The following DCUN1D5 variants were observed in gnomAD, a reference collection of about 807,000 sequenced individuals.
DCUN1D5 encodes defective in cullin neddylation 1 domain containing 5.
A neutral mutation model predicts 38.3 loss-of-function variants in DCUN1D5; 10 were observed. The ratio of observed to expected loss-of-function variants is 0.26; its 90% CI spans 0.16 to 0.44. DCUN1D5 has a LOEUF of 0.44. Among genes scored for constraint, DCUN1D5 ranks in the 20% least tolerant of loss-of-function variants. The pLI is 1.00. For missense variants in DCUN1D5, 148 were observed against 275.3 expected, an observed-to-expected ratio of 0.54 and a Z score of 3.27; for synonymous variants, 93 against 90.9, an observed-to-expected ratio of 1.02 and a Z score of -0.13.
rs367656019 is a variant in DCUN1D5, at chr11:103,066,397, T to C, written c.451-24A>G. ...TCCTAAAATATAAGTGAAAAAGTTT[T>C]CCTAAGTGTGGTCTCAAGATGAAAA... On this transcript the variant is annotated intron_variant, in intron 5 of 7. Transcript: ENST00000260247. The surrounding 1 kb of genome is among the most constrained non-coding windows in gnomAD (Gnocchi z 4.7). The C allele has an allele frequency of 1.3e-6, 2 of 1,599,342 alleles. No homozygotes were observed. The highest frequency in any genetic ancestry group is 1.7e-6 in the Non-Finnish European group (2 of 1,171,866).
rs1278731792 is a variant in DCUN1D5, at chr11:103,066,555, T to G, written c.354A>C (p.Thr118=). ...KGMTSLQCDC[T]EKLQNKFDFL... ...AGTCAAATTTGTTTTGTAACTTTTC[T>G]GTGCAGTCACACCTTAAATAAAAGA... Residue 118 remains threonine, a synonymous_variant, in exon 5 of 8, where the codon ACA becomes ACC. Coordinates refer to ENST00000260247, the MANE Select transcript of DCUN1D5 (RefSeq NM_032299.4). This position sits in a 1 kb window ranked among gnomAD's most constrained non-coding sequence, Gnocchi z 4.7. 1.9e-6 allele frequency: 3 copies of G among 1,602,402 alleles called. No homozygotes were observed. Among genetic ancestry groups the G allele is most frequent in the African/African-American group, 1.3e-5 (1 of 74,626 alleles).
rs1373128971 is a variant in DCUN1D5, at chr11:103,057,446, G to C, written c.*4913C>G. On this transcript the variant is annotated 3_prime_UTR_variant, in exon 8 of 8. Transcript: ENST00000260247. The surrounding 1 kb of genome is among the most constrained non-coding windows in gnomAD (Gnocchi z 4.8). Reference sequence around the variant, plus strand: ...TTCCCAGGAGTGGTGGCTCACACCTGTAATCCCAGCACTTTGGGAGTCTGA... The same window carrying C: ...TTCCCAGGAGTGGTGGCTCACACCTCTAATCCCAGCACTTTGGGAGTCTGA... Among the ~76,000 whole-genome samples, 1 of 152,002 alleles carries C rather than the reference G, an allele frequency of 6.6e-6. No homozygotes were observed. The highest frequency in any genetic ancestry group is 1.5e-5 in the Non-Finnish European group (1 of 68,010).
rs1862261943 is a variant in DCUN1D5 at position 103,071,155 on chromosome 11, AAAAG to A, written c.342-4592_342-4589del. ...TAAGCTTGTACCTCTAGAACCCAGAAAAAGAAAGGCAAAATAAACAAACCAAACA... is the reference window on the plus strand; with the variant it reads ...TAAGCTTGTACCTCTAGAACCCAGAAAAAGGCAAAATAAACAAACCAAACA... On this transcript the variant is annotated intron_variant, in intron 4 of 7. Coordinates refer to ENST00000260247, the MANE Select transcript of DCUN1D5 (RefSeq NM_032299.4). The surrounding 1 kb of genome is among the most constrained non-coding windows in gnomAD (Gnocchi z 4.1). 1.3e-5 allele frequency among the ~76,000 whole-genome samples: 2 copies of A among 152,184 alleles called. No individual in the cohort carries two copies. Among genetic ancestry groups the A allele is most frequent in the Admixed American group, 6.5e-5 (1 of 15,282 alleles).
Position 103,063,107 on chromosome 11 carries a change from T to C in DCUN1D5, c.659-693A>G, listed in dbSNP as rs1211376915. ...TTTTCCATTGCTTTTGACAGACATGTTTCTCTATCGTAAGAAAAGCAGCAG... is the reference window on the plus strand; with the variant it reads ...TTTTCCATTGCTTTTGACAGACATGCTTCTCTATCGTAAGAAAAGCAGCAG... On this transcript the variant is annotated intron_variant, in intron 7 of 7. Coordinates refer to ENST00000260247, the MANE Select transcript of DCUN1D5 (RefSeq NM_032299.4). This position sits in a 1 kb window ranked among gnomAD's most constrained non-coding sequence, Gnocchi z 4.6. 6.6e-6 allele frequency among the ~76,000 whole-genome samples: 1 copy of C among 152,112 alleles called. No individual in the cohort carries two copies. Among genetic ancestry groups the C allele is most frequent in the African/African-American group, 2.4e-5 (1 of 41,444 alleles).
chr11:103,078,972 A>G lies in DCUN1D5; in HGVS notation c.341+3776T>C, dbSNP rs1295466690. ...GTTTATGGTTACAGCAAGGTGCCCAATGTCTGGGCTGAGCATAATTACCAG... is the reference window on the plus strand; with the variant it reads ...GTTTATGGTTACAGCAAGGTGCCCAGTGTCTGGGCTGAGCATAATTACCAG... On this transcript the variant is annotated intron_variant, in intron 4 of 7. Transcript: ENST00000260247. The surrounding 1 kb of genome is among the most constrained non-coding windows in gnomAD (Gnocchi z 4.6). Among the ~76,000 whole-genome samples the G allele has an allele frequency of 1.3e-5, 2 of 152,126 alleles. No individual in the cohort carries two copies. Among genetic ancestry groups the G allele is most frequent in the Non-Finnish European group, 2.9e-5 (2 of 68,012 alleles).
At chr11:103,070,815 C>T (rs145475715) in intron 4 of DCUN1D5, among the ~76,000 whole-genome samples, 43 of 152,132 alleles carry the variant, frequency 2.8e-4, no homozygotes, top group African/African-American at 9.6e-4. Context: ...ACAGACCAAT[C>T]CGGAGACATA....
At position 103,091,936 on chromosome 11, in the gene DCUN1D5, C is replaced by T. The variant is rs537880325; in HGVS notation, c.-64G>A. ...GAAGGGGGTCCCTGTCCGCTGGAAG[C>T]CCCTCAGCGCTGGCACCCAGTTCCC... On this transcript the variant is annotated 5_prime_UTR_variant, in exon 1 of 8. Transcript: ENST00000260247. The surrounding 1 kb of genome is among the most constrained non-coding windows in gnomAD (Gnocchi z 4.3). 5.4e-6 allele frequency: 8 copies of T among 1,468,574 alleles called. No homozygotes were observed. Among genetic ancestry groups the T allele is most frequent in the East Asian group, 4.5e-5 (2 of 44,040 alleles). The allele number at this position is 1,468,574 out of a possible 1,614,324, so 91.0% of individuals were successfully genotyped here.
In DCUN1D5 at chr11:103,052,465, G is replaced by T. The variant is rs1400946763; in HGVS notation, c.*9894C>A. On this transcript the variant is annotated 3_prime_UTR_variant, in exon 8 of 8. Transcript: ENST00000260247. ...GTGAGGAACACCTATGAATAACATG[G>T]TCTCTGTTCACAGAGCTGTTTCCTT... 2 of 152,062 alleles carry T rather than the reference G, an allele frequency of 1.3e-5. No homozygotes were observed. The highest frequency in any genetic ancestry group is 2.9e-5 in the Non-Finnish European group (2 of 67,972). 9.4% of individuals were successfully genotyped at this position (152,062 alleles called of 1,614,324 possible). A position where few individuals can be genotyped will look rare whatever the true frequency, so the allele number is the denominator to read the frequency against.
In DCUN1D5 at chr11:103,061,886, A is replaced by C. The variant is rs935898168; in HGVS notation, c.*473T>G. ...CAGCAAATCATTATCCCAGAAGTCA[A>C]GGCCAACAGTCTTCCAAATTGTGCA... On this transcript the variant is annotated 3_prime_UTR_variant, in exon 8 of 8. Coordinates refer to ENST00000260247, the MANE Select transcript of DCUN1D5 (RefSeq NM_032299.4). Among the ~76,000 whole-genome samples, 8 of 152,078 alleles carry C rather than the reference A, an allele frequency of 5.3e-5. No homozygotes were observed. The highest frequency in any genetic ancestry group is 1.9e-4 in the African/African-American group (8 of 41,446).
Position 103,078,959 on chromosome 11 carries a change from A to T in DCUN1D5, c.341+3789T>A, listed in dbSNP as rs1368599896. On this transcript the variant is annotated intron_variant, in intron 4 of 7. Coordinates refer to ENST00000260247, the MANE Select transcript of DCUN1D5 (RefSeq NM_032299.4). This position sits in a 1 kb window ranked among gnomAD's most constrained non-coding sequence, Gnocchi z 4.6. ...CACGTTCTCCTTGGTTTATGGTTACAGCAAGGTGCCCAATGTCTGGGCTGA... is the reference window on the plus strand; with the variant it reads ...CACGTTCTCCTTGGTTTATGGTTACTGCAAGGTGCCCAATGTCTGGGCTGA... 1.3e-5 allele frequency among the ~76,000 whole-genome samples: 2 copies of T among 152,174 alleles called. No individual in the cohort carries two copies. The highest frequency in any genetic ancestry group is 2.9e-5 in the Non-Finnish European group (2 of 68,040).
chr11:103,063,363 C>T lies in DCUN1D5; in HGVS notation c.658+912G>A, dbSNP rs995369674. 1.3e-5 allele frequency among the ~76,000 whole-genome samples: 2 copies of T among 152,056 alleles called. No homozygotes were observed. Among genetic ancestry groups the T allele is most frequent in the Non-Finnish European group, 2.9e-5 (2 of 67,954 alleles). On this transcript the variant is annotated intron_variant, in intron 7 of 7. Coordinates refer to ENST00000260247, the MANE Select transcript of DCUN1D5 (RefSeq NM_032299.4). The surrounding 1 kb of genome is among the most constrained non-coding windows in gnomAD (Gnocchi z 4.6). ...TAGTTTTAAATGCTGATACAAAATACATAAATATACACATCTACGGGCCAT... is the reference window on the plus strand; with the variant it reads ...TAGTTTTAAATGCTGATACAAAATATATAAATATACACATCTACGGGCCAT...
chr11:103,060,415 A>C lies in DCUN1D5; in HGVS notation c.*1944T>G, dbSNP rs557487632. 1.6e-4 allele frequency among the ~76,000 whole-genome samples: 24 copies of C among 152,252 alleles called. No individual in the cohort carries two copies. Among genetic ancestry groups the C allele is most frequent in the African/African-American group, 5.3e-4 (22 of 41,550 alleles). On this transcript the variant is annotated 3_prime_UTR_variant, in exon 8 of 8. Transcript: ENST00000260247. Reference sequence around the variant, plus strand: ...TCTGCTTATACGCAGATTTTTTTAAACCAAACATGGATTGAAAATACAGTA... The same window carrying C: ...TCTGCTTATACGCAGATTTTTTTAACCCAAACATGGATTGAAAATACAGTA...
rs754602192 is a variant in DCUN1D5 at position 103,091,699 on chromosome 11, G to C, written c.86+88C>G. ...GGGGCCTCACCTGTCTCCAGCCCCA[G>C]CCCGGCAGGCCGGGCCCGACTCCTT... On this transcript the variant is annotated intron_variant, in intron 1 of 7. Coordinates refer to ENST00000260247, the MANE Select transcript of DCUN1D5 (RefSeq NM_032299.4). The surrounding 1 kb of genome is among the most constrained non-coding windows in gnomAD (Gnocchi z 4.3). 1 of 1,610,858 alleles carries C rather than the reference G, an allele frequency of 6.2e-7. No individual in the cohort carries two copies. Among genetic ancestry groups the C allele is most frequent in the South Asian group, 1.1e-5 (1 of 90,930 alleles).
At position 103,083,904 on chromosome 11, in the gene DCUN1D5, C is replaced by T. The variant is rs190349565; in HGVS notation, c.179-578G>A. On this transcript the variant is annotated intron_variant, in intron 2 of 7. Transcript: ENST00000260247. The surrounding 1 kb of genome is among the most constrained non-coding windows in gnomAD (Gnocchi z 4.4). ...TCCATTTCCAGAAAGAGCTATTTTC[C>T]TTATCATCTTGGTTCTAAAACAGAC... Among the ~76,000 whole-genome samples the T allele has an allele frequency of 2.0e-5, 3 of 152,082 alleles. No homozygotes were observed. The East Asian group carries it at 5.8e-4, about 29-fold the overall frequency.
chr11:103,066,444 G>C lies in DCUN1D5; in HGVS notation c.450+15C>G, dbSNP rs780406996. 1.9e-6 allele frequency: 3 copies of C among 1,593,530 alleles called. No homozygotes were observed. The highest frequency in any genetic ancestry group is 2.6e-6 in the Non-Finnish European group (3 of 1,165,868). ...AAAAGCTATTAAAACAACAAAACAA[G>C]AAAATTGCACCTACCCTTGCAAAAT... On this transcript the variant is annotated intron_variant, in intron 5 of 7. Coordinates refer to ENST00000260247, the MANE Select transcript of DCUN1D5 (RefSeq NM_032299.4). This position sits in a 1 kb window ranked among gnomAD's most constrained non-coding sequence, Gnocchi z 4.7.
intron 4 of DCUN1D5, among the ~76,000 whole-genome samples, chr11:103,076,043 G>A (rs760273873): frequency 9.2e-5 from 14 of 152,140 alleles, no homozygotes; most frequent in Non-Finnish European, 1.5e-4. Context: ...TTCATAATGT[G>A]AGTCACATCT....
rs1861882983 is a variant in DCUN1D5 at position 103,056,750 on chromosome 11, G to T, written c.*5609C>A. ...AAGGAGAATATTAATAATTTTGTTT[G>T]ATTATAAAAATGGCAGGATAACACA... On this transcript the variant is annotated 3_prime_UTR_variant, in exon 8 of 8. Coordinates refer to ENST00000260247, the MANE Select transcript of DCUN1D5 (RefSeq NM_032299.4). The surrounding 1 kb of genome is among the most constrained non-coding windows in gnomAD (Gnocchi z 4.9). Among the ~76,000 whole-genome samples, 1 of 152,088 alleles carries T rather than the reference G, an allele frequency of 6.6e-6. No homozygotes were observed. Among genetic ancestry groups the T allele is most frequent in the South Asian group, 2.1e-4 (1 of 4,824 alleles).
intron 4 of DCUN1D5, among the ~76,000 whole-genome samples, chr11:103,072,766 G>GTT (rs1404334037): frequency 1.5e-5 from 2 of 132,004 alleles, no homozygotes; most frequent in Non-Finnish European, 3.3e-5. Context: ...GTCGGGGGGT[G>GTT]GGGGGAGGGG....
Position 103,091,461 on chromosome 11 carries a change from G to C in DCUN1D5, c.86+326C>G. ...AGGCAGAGGAGCGATACGGGAGTAG[G>C]GGATCGAGGGTCGGTTGTGGGGTGG... is the stretch of plus-strand genomic sequence containing the variant. On this transcript the variant is annotated intron_variant, in intron 1 of 7. Transcript: ENST00000260247. The surrounding 1 kb of genome is among the most constrained non-coding windows in gnomAD (Gnocchi z 4.3). The C allele has an allele frequency of 5.9e-6, 2 of 336,854 alleles. No individual in the cohort carries two copies. Among genetic ancestry groups the C allele is most frequent in the Admixed American group, 8.9e-5 (2 of 22,348 alleles). The allele number at this position is 336,854 out of a possible 1,614,324, so 20.9% of individuals were successfully genotyped here. A position where few individuals can be genotyped will look rare whatever the true frequency, so the allele number is the denominator to read the frequency against.
Sources: gnomAD v4.1 joint callset for allele counts (sites outside exome capture counted in the v4.1 genomes callset) on GRCh38, gnomAD v4.1.1 for gene constraint, Gnocchi (gnomAD v3.1) non-coding constraint, MANE v1.5 for transcripts, NCBI Gene and HGNC (gene_info 2026-07-23, HGNC 2026-07-21) for gene names.